The following TKT variants were observed in gnomAD, a reference collection of about 807,000 sequenced individuals.
TKT encodes epididymis luminal protein 107.
Under a neutral mutation model 63.9 loss-of-function variants are expected in TKT, and 47 were observed. The ratio of observed to expected loss-of-function variants is 0.74; its 90% CI spans 0.58 to 0.94. The LOEUF (loss-of-function observed/expected upper bound fraction) is 0.94, where lower values mean the gene tolerates loss of function less well. Ranked by LOEUF, TKT falls within the 40% of genes least tolerant of loss-of-function variation. The pLI, the probability that TKT is intolerant of heterozygous loss-of-function variation, is 0.00. For synonymous variants in TKT, 338 were observed against 334.1 expected (o/e 1.01, Z -0.13); for missense variants, 721 against 846.2 (o/e 0.85, Z 1.84).
chr3:53,238,695 C>T (rs897087959), intron 4 of TKT, among the ~76,000 whole-genome samples: 5 of 152,214 alleles, frequency 3.3e-5, no homozygotes, highest in African/African-American at 9.6e-5. Context: ...CAGGACTCCC[C>T]GAGCTCCTGT....
chr3:53,226,080 T>C (rs1704487384), intron 13 of TKT, 149 bp from the exon 14 acceptor site: 2 of 666,346 alleles, frequency 3.0e-6, no homozygotes, highest in Non-Finnish European at 4.7e-6. Flanking sequence ...ACATAACTCA[T>C]TGATTTTTTT....
Position 53,230,555 on chromosome 3 carries a change from C to A in TKT, c.1009G>T (p.Ala337Ser), listed in dbSNP as rs782053022. 1.2e-6 allele frequency: 2 copies of A among 1,614,216 alleles called. No individual in the cohort carries two copies. The highest frequency in any genetic ancestry group is 2.2e-5 in the South Asian group (2 of 91,084). Residue 337 changes from alanine to serine, a missense_variant, in exon 8 of 14, where the codon GCC becomes TCC. Coordinates refer to ENST00000462138, the MANE Select transcript of TKT (RefSeq NM_001064.4). ...KLGHASDRII[A>S]LDGDTKNSTF... ...GAATTTTTGGTGTCCCCATCCAGGG[C>A]GATGATGCGGTCACTGGCATGGCCC...
intron 12 of TKT, chr3:53,227,274 C>T: frequency 1.5e-5 from 1 of 65,516 alleles, no homozygotes; most frequent in Non-Finnish European, 3.9e-5. Flanking sequence ...TGATCAGAGG[C>T]CCACGTGCGG....
intron 2 of TKT, 103 bp downstream of exon 2, chr3:53,242,022 G>A (rs1190698534): frequency 1.9e-6 from 2 of 1,071,814 alleles, no homozygotes; most frequent in Non-Finnish European, 2.9e-6. Flanking sequence ...CCTGGGAGAG[G>A]TGGGCCCAGC....
intron 6 of TKT, 153 bp downstream of exon 6, chr3:53,233,003 A>G (rs1704837261): frequency 1.5e-6 from 1 of 656,738 alleles, no homozygotes; most frequent in Non-Finnish European, 2.6e-6. Flanking sequence ...CACAGGGGTC[A>G]CTGAGTCACA....
intron 5 of TKT, chr3:53,233,486 T>C (rs1213017188): frequency 2.0e-6 from 1 of 493,310 alleles, no homozygotes; most frequent in Non-Finnish European, 3.6e-6. Flanking sequence ...TTACTTCCTT[T>C]TGTTTGCCTC....
chr3:53,228,569 C>G (rs557654636), intron 10 of TKT: 1 of 577,068 alleles, frequency 1.7e-6, no homozygotes, highest in Non-Finnish European at 3.0e-6. Context: ...AGCCTCAGAC[C>G]GAAGGCAACT....
Position 53,231,489 on chromosome 3 carries a change from G to A in TKT, c.810C>T (p.Ile270=). The change falls in exon 7 of 14, where the codon ATC becomes ATT. Residue 270 remains isoleucine, a synonymous_variant. Coordinates refer to ENST00000462138, the MANE Select transcript of TKT (RefSeq NM_001064.4). The stretch of plus-strand genomic sequence containing the variant: ...GGATCTGGCTGTAGATCTCCTGGAT[G>A]ATCTGCTCAGCCATGTTTTTGGGGA... ...KPLPKNMAEQ[I]IQEIYSQIQS... 2 of 1,614,184 alleles carry A rather than the reference G, an allele frequency of 1.2e-6. No individual in the cohort carries two copies. The highest frequency in any genetic ancestry group is 1.7e-6 in the Non-Finnish European group (2 of 1,180,024).
intron 1 of TKT, among the ~76,000 whole-genome samples, chr3:53,244,292 C>A (rs782256097): frequency 4.6e-5 from 7 of 152,334 alleles, no homozygotes; most frequent in African/African-American, 1.7e-4. Flanking sequence ...TGGGGCTCTC[C>A]CTCGGCAGAG....
intron 1 of TKT, among the ~76,000 whole-genome samples, chr3:53,252,039 C>CT (rs1393849246): frequency 4.6e-5 from 7 of 152,168 alleles, no homozygotes; most frequent in Non-Finnish European, 5.9e-5. Context: ...ACTTGGGAGG[C>CT]TGAGGCAGGA....
chr3:53,244,966 G>A (rs1457690941), intron 1 of TKT, among the ~76,000 whole-genome samples: 3 of 151,618 alleles, frequency 2.0e-5, no homozygotes, highest in Non-Finnish European at 2.9e-5. Context: ...AACCTGTGAC[G>A]GTGGTGTGGC....
chr3:53,247,060 A>G (rs62256001), intron 1 of TKT, among the ~76,000 whole-genome samples: 16,066 of 145,780 alleles, frequency 0.11, 950 homozygotes, highest in South Asian at 0.13. Context: ...CTTTATGCAT[A>G]TACTTTTTTT....
At chr3:53,236,050 G>GTCTGACT (rs1473828811) in intron 4 of TKT, among the ~76,000 whole-genome samples, 3 of 152,366 alleles carry the variant, frequency 2.0e-5, no homozygotes, top group African/African-American at 7.2e-5. Context: ...TCAAACGCAG[G>GTCTGACT]TCTGACTGTA....
At chr3:53,254,392 A>G (rs2106739225) in intron 1 of TKT, among the ~76,000 whole-genome samples, 1 of 152,354 alleles carries the variant, frequency 6.6e-6, no homozygotes, top group East Asian at 1.9e-4. Flanking sequence ...TAACAGGTCC[A>G]AAGTGTGCAA....
At position 53,235,170 on chromosome 3, in the gene TKT, G is replaced by A. The variant is rs1553678279; in HGVS notation, c.442C>T (p.Arg148Ter). 11 of 1,609,898 alleles carry A rather than the reference G, an allele frequency of 6.8e-6. No homozygotes were observed. Among genetic ancestry groups the A allele is most frequent in the Non-Finnish European group, 9.3e-6 (11 of 1,177,758 alleles). ...CCGTCTCCCAGCAAGCAATAGACTC[G>A]GTAGCTGTGGACAGAGAGTGAATCA... ...TGKYFDKASY[R>*]VYCLLGDGEL... Residue 148 changes from arginine to a stop codon, truncating the protein, a stop_gained, in exon 5 of 14, where the codon CGA becomes TGA. Coordinates refer to ENST00000462138, the MANE Select transcript of TKT (RefSeq NM_001064.4). LOFTEE classifies it high-confidence loss of function.
At chr3:53,243,675 A>AG in intron 1 of TKT, 1 of 454,940 alleles carries the variant, frequency 2.2e-6, no homozygotes, top group East Asian at 7.0e-5. Flanking sequence ...TCTGCCTGGC[A>AG]GGGACCCTAA....
At chr3:53,237,573 T>C (rs1345355215) in intron 4 of TKT, among the ~76,000 whole-genome samples, 3 of 150,318 alleles carry the variant, frequency 2.0e-5, no homozygotes, top group South Asian at 2.1e-4. Flanking sequence ...CATGATAACA[T>C]GGACAAAATA....
intron 5 of TKT, 173 bp downstream of exon 5, chr3:53,234,809 GC>G: frequency 1.7e-6 from 1 of 596,524 alleles, no homozygotes; most frequent in Non-Finnish European, 2.7e-6. Context: ...CATATCCTGA[GC>G]CATTAAGTCC....
chr3:53,229,167 A>G lies in TKT; in HGVS notation c.1265-30T>C, dbSNP rs782684881. On this transcript the variant is annotated intron_variant, in intron 9 of 13. Coordinates refer to ENST00000462138, the MANE Select transcript of TKT (RefSeq NM_001064.4). The stretch of plus-strand genomic sequence containing the variant: ...GGTGTGGGGGAAAGGATATGCAGAA[A>G]TAAGACCCCTACCCCCCCATCCATG... The G allele has an allele frequency of 5.0e-6, 8 of 1,613,816 alleles. No homozygotes were observed. In the South Asian group the frequency reaches 8.8e-5, roughly 18 times the overall value.
Sources: allele counts gnomAD v4.1 joint callset (sites outside exome capture counted in the v4.1 genomes callset), GRCh38; gene constraint gnomAD v4.1.1; transcripts MANE v1.5; gene names NCBI Gene and HGNC (gene_info 2026-07-23, HGNC 2026-07-21).